Variants in ZFYVE16 observed in about 807,000 individuals in gnomAD.
ZFYVE16 encodes zinc finger FYVE-type containing 16.
A neutral mutation model predicts 138.1 loss-of-function variants in ZFYVE16; 89 were observed. The observed-to-expected ratio is 0.64, with a 90% confidence interval of 0.54 to 0.77. The LOEUF is 0.77. ZFYVE16 is among the 30% of genes least tolerant of loss of function. ZFYVE16 has a pLI of 0.00. For synonymous variants in ZFYVE16, 596 were observed against 618.3 expected (o/e 0.96, Z 0.53); for missense variants, 1,793 against 1,786.7 (o/e 1.00, Z -0.06).
intron 1 of ZFYVE16, among the ~76,000 whole-genome samples, chr5:80,414,206 T>A (rs1745873348): frequency 6.6e-6 from 1 of 152,232 alleles, no homozygotes; most frequent in Non-Finnish European, 1.5e-5. Context: ...GATCTATTAA[T>A]CTCTTGAACC....
At chr5:80,412,193 CTGTTGGTTT>C (rs1272060125) in intron 1 of ZFYVE16, among the ~76,000 whole-genome samples, 1 of 152,122 alleles carries the variant, frequency 6.6e-6, no homozygotes, top group Non-Finnish European at 1.5e-5. Context: ...TGTCTCCTTA[CTGTTGGTTT>C]TGTTGGTTTT....
Position 80,472,880 on chromosome 5 carries a change from G to T in ZFYVE16, c.4144G>T (p.Val1382Leu), listed in dbSNP as rs550518358. 1.1e-5 allele frequency: 17 copies of T among 1,613,672 alleles called. No individual in the cohort carries two copies. Among genetic ancestry groups the T allele is most frequent in the Non-Finnish European group, 1.4e-5 (16 of 1,179,824 alleles). The change falls in exon 16 of 19, where the codon GTG becomes TTG. Residue 1382 changes from valine (V) to leucine (L), a missense_variant. By Grantham distance (32) the Val-to-Leu change is conservative (BLOSUM62 1). Coordinates refer to ENST00000505560, the MANE Select transcript of ZFYVE16 (RefSeq NM_001284236.3). ...KVDAVDLREYVDICWVDAEEK... is the reference protein window; with the variant it reads ...KVDAVDLREYLDICWVDAEEK... Reference sequence around the variant, plus strand: ...TGATGCAGTAGACCTGAGAGAATACGTGGATATCTGCTGGGTAGATGCTGA... The same window carrying T: ...TGATGCAGTAGACCTGAGAGAATACTTGGATATCTGCTGGGTAGATGCTGA...
Position 80,438,499 on chromosome 5 carries a change from T to C in ZFYVE16, c.1814T>C (p.Ile605Thr), listed in dbSNP as rs1489448510. 6.2e-7 allele frequency: 1 copy of C among 1,613,600 alleles called. No homozygotes were observed. ...GAAATAGTTGATAAACAAAATACAA[T>C]AGAAAATGGCCTTTCTTTAGGAGAA... ...ICEIVDKQNT[I>T]ENGLSLGEKS... is the part of the protein sequence containing the mutation. The change falls in exon 4 of 19, where the codon ATA becomes ACA. Residue 605 changes from isoleucine (I) to threonine (T), a missense_variant. This residue lies in a region of ZFYVE16 where 1,295 missense variants were observed against 1,204.3 expected (regional missense o/e 1.08). Coordinates refer to ENST00000505560, the MANE Select transcript of ZFYVE16 (RefSeq NM_001284236.3).
At chr5:80,435,950 A>T (rs1749847245) in intron 3 of ZFYVE16, 1 of 198,032 alleles carries the variant, frequency 5.0e-6, no homozygotes, top group Admixed American at 6.2e-5. Flanking sequence ...TCCAGGAAGT[A>T]ATTTAAAGTC....
In ZFYVE16 at chr5:80,438,872, C is replaced by A; in HGVS notation, c.2187C>A (p.Asn729Lys). Residue 729 changes from asparagine to lysine, a missense_variant, in exon 4 of 19, where the codon AAC (asparagine) becomes AAA (lysine). Physicochemically the swap from Asn to Lys is moderately conservative, Grantham distance 94 (BLOSUM62 0). This residue lies in a region of ZFYVE16 where 1,295 missense variants were observed against 1,204.3 expected (regional missense o/e 1.08). Coordinates refer to ENST00000505560, the MANE Select transcript of ZFYVE16 (RefSeq NM_001284236.3). Reference protein sequence around the residue: ...VTANEDSVPENTCKEGLVLGQ... With the variant: ...VTANEDSVPEKTCKEGLVLGQ... ...CAAATGAAGATTCTGTACCTGAAAA[C>A]ACTTGCAAAGAAGGCTTGGTTTTGG... The A allele has an allele frequency of 6.2e-7, 1 of 1,614,054 alleles. No individual in the cohort carries two copies. Among genetic ancestry groups the A allele is most frequent in the South Asian group, 1.1e-5 (1 of 91,082 alleles).
chr5:80,470,285 TAG>T (rs1038400990), intron 15 of ZFYVE16, among the ~76,000 whole-genome samples: 1 of 150,350 alleles, frequency 6.7e-6, no homozygotes, highest in African/African-American at 2.5e-5. Flanking sequence ...GTATTTTTAG[TAG>T]AGACAGGGTT....
At chr5:80,433,435 C>T (rs926505684) in intron 2 of ZFYVE16, among the ~76,000 whole-genome samples, 1 of 151,980 alleles carries the variant, frequency 6.6e-6, no homozygotes, top group Non-Finnish European at 1.5e-5. Flanking sequence ...CAGGGCCTGT[C>T]GTGGTGTGGG....
chr5:80,429,465 AG>A (rs1232282017), intron 2 of ZFYVE16, among the ~76,000 whole-genome samples: 1 of 152,248 alleles, frequency 6.6e-6, no homozygotes, highest in African/African-American at 2.4e-5. Flanking sequence ...AAACATGGAA[AG>A]GAACAGCTGG....
intron 1 of ZFYVE16, among the ~76,000 whole-genome samples, chr5:80,417,102 A>G (rs564122870): frequency 6.6e-6 from 1 of 152,282 alleles, no homozygotes; most frequent in African/African-American, 2.4e-5. Flanking sequence ...GGCTTCCACG[A>G]TCAGTCGTCC....
At chr5:80,420,355 TA>T (rs921691047) in intron 1 of ZFYVE16, among the ~76,000 whole-genome samples, 5 of 152,132 alleles carry the variant, frequency 3.3e-5, no homozygotes, top group East Asian at 1.9e-4. Context: ...GCAGGTTTGT[TA>T]ACATATGTAT....
In ZFYVE16 at chr5:80,434,064, T is replaced by C. The variant is rs1406865326; in HGVS notation, c.-39-45T>C. The C allele has an allele frequency of 2.3e-6, 3 of 1,299,752 alleles. No individual in the cohort carries two copies. In the African/African-American group the frequency reaches 4.5e-5, roughly 19 times the overall value. 80.5% of individuals were successfully genotyped at this position (1,299,752 alleles called of 1,614,324 possible). On this transcript the variant is annotated intron_variant, in intron 2 of 18. Transcript: ENST00000505560. ...GGCATGGAATACATGGCATAAAATT[T>C]GTTATGTAATTAAATGAAATATTAT...
In ZFYVE16 at chr5:80,478,876, G is replaced by C. The variant is rs1755137166; in HGVS notation, c.*1499G>C. 6.6e-6 allele frequency: 1 copy of C among 152,108 alleles called. No individual in the cohort carries two copies. The highest frequency in any genetic ancestry group is 1.5e-5 in the Non-Finnish European group (1 of 67,998). The allele number at this position is 152,108 out of a possible 1,614,324, so 9.4% of individuals were successfully genotyped here. A position where few individuals can be genotyped will look rare whatever the true frequency, so the allele number is the denominator to read the frequency against. ...TTCCTGAACAATGTAAAGTGTCGCAGATATTCAATAAAATGGCAACCTGTT... is the reference window on the plus strand; with the variant it reads ...TTCCTGAACAATGTAAAGTGTCGCACATATTCAATAAAATGGCAACCTGTT... On this transcript the variant is annotated 3_prime_UTR_variant, in exon 19 of 19. Coordinates refer to ENST00000505560, the MANE Select transcript of ZFYVE16 (RefSeq NM_001284236.3).
rs1755078966 is a variant in ZFYVE16 at position 80,478,153 on chromosome 5, T to A, written c.*776T>A. On this transcript the variant is annotated 3_prime_UTR_variant, in exon 19 of 19. Transcript: ENST00000505560. ...TTTATATGTAGGTAATATTTTTGTA[T>A]CACAATGCATTATTTTTTTCCTCCT... The A allele has an allele frequency of 6.6e-6, 1 of 152,092 alleles. No individual in the cohort carries two copies. The highest frequency in any genetic ancestry group is 2.1e-4 in the South Asian group (1 of 4,836). The allele number at this position is 152,092 out of a possible 1,614,324, so 9.4% of individuals were successfully genotyped here.
At chr5:80,413,217 A>G (rs1473331988) in intron 1 of ZFYVE16, among the ~76,000 whole-genome samples, 1 of 152,122 alleles carries the variant, frequency 6.6e-6, no homozygotes, top group East Asian at 1.9e-4. Flanking sequence ...CATGCCTGTA[A>G]TCCCAGCACT....
intron 8 of ZFYVE16, among the ~76,000 whole-genome samples, chr5:80,449,009 T>C (rs1405098189): frequency 6.6e-6 from 1 of 152,168 alleles, no homozygotes. Context: ...TGTAGAGGAA[T>C]GAAGCTTTGG....
chr5:80,437,887 A>G lies in ZFYVE16; in HGVS notation c.1202A>G (p.His401Arg), dbSNP rs535108800. The change falls in exon 4 of 19, where the codon CAT becomes CGT. Residue 401 changes from histidine to arginine, a missense_variant. Physicochemically the swap from His to Arg is conservative, Grantham distance 29. Coordinates refer to ENST00000505560, the MANE Select transcript of ZFYVE16 (RefSeq NM_001284236.3). ...SKARGDFLPQHEHKDNIQDAV... is the reference protein window; with the variant it reads ...SKARGDFLPQREHKDNIQDAV... ...GCACGGGGTGATTTTTTACCTCAGC[A>G]TGAACATAAAGATAATATACAAGAT... The G allele has an allele frequency of 1.1e-5, 17 of 1,614,114 alleles. No homozygotes were observed. The African/African-American group carries it at 1.5e-4, about 14-fold the overall frequency.
chr5:80,465,762 G>T (rs530999748), intron 15 of ZFYVE16, among the ~76,000 whole-genome samples: 40 of 151,856 alleles, frequency 2.6e-4, no homozygotes, highest in African/African-American at 7.5e-4. Flanking sequence ...GAAATCCTTT[G>T]TATGTGATGA....
chr5:80,441,102 G>T (rs1207167091), intron 5 of ZFYVE16: 14 of 985,240 alleles, frequency 1.4e-5, no homozygotes, highest in Non-Finnish European at 1.7e-5. Flanking sequence ...TGCTGTTTCA[G>T]TAGCCTAGAA....
chr5:80,411,412 TA>T (rs1455774841), intron 1 of ZFYVE16, among the ~76,000 whole-genome samples: 1 of 152,238 alleles, frequency 6.6e-6, no homozygotes, highest in African/African-American at 2.4e-5. Context: ...CATATTTTTT[TA>T]CTATGCATTT....
Sources: gnomAD v4.1 joint callset for allele counts (sites outside exome capture counted in the v4.1 genomes callset) on GRCh38, gnomAD v4.1.1 for gene constraint, gnomAD v4.1.1 regional missense constraint, MANE v1.5 for transcripts, NCBI Gene and HGNC (gene_info 2026-07-23, HGNC 2026-07-21) for gene names.